Variants in HPSE2 observed in about 807,000 individuals in gnomAD.
HPSE2 encodes heparanase 2 (inactive).
HPSE2 carries 38 observed loss-of-function variants against 60.5 expected under a neutral mutation model. The observed-to-expected ratio is 0.63, with a 90% CI of 0.48 to 0.82. The LOEUF is 0.82. Ranked by LOEUF, HPSE2 falls within the 40% of genes least tolerant of loss-of-function variation. HPSE2 has a pLI of 0.00. For synonymous variants in HPSE2, 295 were observed against 293.2 expected, an observed-to-expected ratio of 1.01 and a Z score of -0.06; for missense variants, 713 against 740.4, an observed-to-expected ratio of 0.96 and a Z score of 0.43.
At chr10:98,527,961 C>T (rs992943830) in intron 9 of HPSE2, among the ~76,000 whole-genome samples, 1 of 152,164 alleles carries the variant, frequency 6.6e-6, no homozygotes, top group Non-Finnish European at 1.5e-5. Context: ...TTTAAGCCCC[C>T]AAGTTGCTGA....
intron 3 of HPSE2, among the ~76,000 whole-genome samples, chr10:98,761,728 C>T (rs1589781757): frequency 6.6e-6 from 1 of 152,086 alleles, no homozygotes; most frequent in Non-Finnish European, 1.5e-5. Flanking sequence ...GAAAAGTAAA[C>T]AGTAGCAAGC....
chr10:99,100,689 G>T (rs1843931072), intron 3 of HPSE2, among the ~76,000 whole-genome samples: 1 of 152,110 alleles, frequency 6.6e-6, no homozygotes, highest in Non-Finnish European at 1.5e-5. Flanking sequence ...ACACATAATT[G>T]TCAGATTCAC....
At chr10:99,094,016 T>C (rs1843611247) in intron 3 of HPSE2, among the ~76,000 whole-genome samples, 1 of 152,188 alleles carries the variant, frequency 6.6e-6, no homozygotes, top group Non-Finnish European at 1.5e-5. Flanking sequence ...TCTTTCTTTA[T>C]TGATAATTAT....
intron 3 of HPSE2, among the ~76,000 whole-genome samples, chr10:98,986,237 T>G (rs1169186725): frequency 6.6e-6 from 1 of 152,160 alleles, no homozygotes; most frequent in African/African-American, 2.4e-5. Flanking sequence ...ACCACATAGT[T>G]GGAAGTAAAG....
chr10:98,870,945 T>TAA lies in HPSE2; in HGVS notation c.611-126891_611-126890dup, dbSNP rs11423592. ...GTTCACAGTGATATCTTTAAATTAT[T>TAA]AAAAAAAAAAAAAGAGGCTGGAATT... On this transcript the variant is annotated intron_variant, in intron 3 of 11. Coordinates refer to ENST00000370552, the MANE Select transcript of HPSE2 (RefSeq NM_021828.5). Among the ~76,000 whole-genome samples, 482 of 141,998 alleles carry TAA rather than the reference T, an allele frequency of 3.4e-3. 1 individual carries two copies. The highest frequency in any genetic ancestry group is 5.2e-3 in the South Asian group (23 of 4,404). 93.2% of individuals were successfully genotyped at this position (141,998 alleles called of 152,430 possible).
chr10:98,999,156 C>CGCGTGTGT (rs1554861476), intron 3 of HPSE2, among the ~76,000 whole-genome samples: 1 of 137,572 alleles, frequency 7.3e-6, no homozygotes, highest in African/African-American at 2.6e-5. Context: ...GTATAGACTA[C>CGCGTGTGT]GTGTGTGTGT....
intron 3 of HPSE2, among the ~76,000 whole-genome samples, chr10:99,059,946 CAA>C (rs999472657): frequency 9.2e-5 from 14 of 151,716 alleles, no homozygotes; most frequent in Admixed American, 5.3e-4. Context: ...AAATTTATAA[CAA>C]TATAAAATTC....
At chr10:98,908,062 T>C (rs1420368509) in intron 3 of HPSE2, among the ~76,000 whole-genome samples, 1 of 152,218 alleles carries the variant, frequency 6.6e-6, no homozygotes, top group Admixed American at 6.5e-5. Flanking sequence ...ATAAGACTGA[T>C]GAGTGACTTG....
chr10:98,803,477 C>G (rs1950966210), intron 3 of HPSE2, among the ~76,000 whole-genome samples: 1 of 151,456 alleles, frequency 6.6e-6, no homozygotes, highest in Non-Finnish European at 1.5e-5. Context: ...AGTCTTTAAT[C>G]CATCTTGAAT....
intron 2 of HPSE2, among the ~76,000 whole-genome samples, chr10:99,231,214 T>C (rs1849633967): frequency 6.6e-6 from 1 of 152,200 alleles, no homozygotes. Flanking sequence ...GAAGTACTTT[T>C]CAATGAAGGC....
intron 3 of HPSE2, among the ~76,000 whole-genome samples, chr10:98,837,716 TA>T (rs199928759): frequency 1.3e-5 from 2 of 150,304 alleles, no homozygotes; most frequent in Non-Finnish European, 3.0e-5. Context: ...CTACTAAAAA[TA>T]AAAAAAATTA....
At chr10:98,815,775 A>G (rs1056600232) in intron 3 of HPSE2, among the ~76,000 whole-genome samples, 1 of 152,102 alleles carries the variant, frequency 6.6e-6, no homozygotes, top group African/African-American at 2.4e-5. Flanking sequence ...GCTGGAAACT[A>G]CATTTCTCCA....
chr10:98,765,020 C>T (rs539190689), intron 3 of HPSE2, among the ~76,000 whole-genome samples: 2 of 152,180 alleles, frequency 1.3e-5, no homozygotes, highest in Admixed American at 1.3e-4. Flanking sequence ...TAATAAACTT[C>T]CAAAACATAT....
chr10:99,248,444 A>AAGC, the HPSE2 span, among the ~76,000 whole-genome samples: 1 of 152,238 alleles, frequency 6.6e-6, no homozygotes, highest in Non-Finnish European at 1.5e-5. Flanking sequence ...AGAAGTTTCT[A>AAGC]AGCAGCAAAG....
chr10:98,877,141 T>C (rs1952899593), intron 3 of HPSE2, among the ~76,000 whole-genome samples: 1 of 151,952 alleles, frequency 6.6e-6, no homozygotes, highest in African/African-American at 2.4e-5. Context: ...CTTCGTTCTA[T>C]TATAAAACGA....
chr10:98,556,190 T>A (rs926288827), intron 9 of HPSE2, among the ~76,000 whole-genome samples: 1 of 152,156 alleles, frequency 6.6e-6, no homozygotes, highest in African/African-American at 2.4e-5. Flanking sequence ...TAAGGGAAAT[T>A]GCTGTGAGCT....
intron 3 of HPSE2, among the ~76,000 whole-genome samples, chr10:99,141,339 G>A (rs1288164074): frequency 6.6e-6 from 1 of 152,102 alleles, no homozygotes; most frequent in Non-Finnish European, 1.5e-5. Flanking sequence ...TTCCATCACT[G>A]ATGCTCTACT....
intron 4 of HPSE2, among the ~76,000 whole-genome samples, chr10:98,739,053 C>CA (rs1435333956): frequency 6.6e-6 from 1 of 152,106 alleles, no homozygotes; most frequent in Non-Finnish European, 1.5e-5. Flanking sequence ...TTCACAATAG[C>CA]AAAAACTTGG....
intron 11 of HPSE2, among the ~76,000 whole-genome samples, chr10:98,462,209 C>T (rs145640972): frequency 0.01 from 1,531 of 152,136 alleles, 7 homozygotes; most frequent in Middle Eastern, 0.017. Flanking sequence ...GATGGAGTCT[C>T]GATCTGTTGC....
Sources: allele counts gnomAD v4.1 joint callset (sites outside exome capture counted in the v4.1 genomes callset), GRCh38; gene constraint gnomAD v4.1.1; transcripts MANE v1.5; gene names NCBI Gene and HGNC (gene_info 2026-07-23, HGNC 2026-07-21).